Variants in EIF4G1 observed in about 807,000 individuals in gnomAD.
The protein encoded by EIF4G1 is EIF4-gamma.
In EIF4G1, 4 loss-of-function variants were observed where a neutral mutation model predicts 187.8. That is an observed-to-expected ratio of 0.02 (90% CI 0.01 to 0.05). The LOEUF (loss-of-function observed/expected upper bound fraction) is 0.05, where lower values mean the gene tolerates loss of function less well. Among genes scored for constraint, EIF4G1 ranks in the 10% least tolerant of loss-of-function variants. The probability of loss-of-function intolerance (pLI) is 1.00; values close to 1 mark genes in which losing one functional copy is unlikely to be tolerated. For missense variants in EIF4G1, 1,647 were observed against 2,081.1 expected (o/e 0.79, Z 4.06); for synonymous variants, 844 against 781.4 (o/e 1.08, Z -1.34).
At position 184,322,596 on chromosome 3, in the gene EIF4G1, C is replaced by T; in HGVS notation, c.1661C>T (p.Pro554Leu). Reference protein sequence around the residue: ...VENQPPAGSNPGPESEGSGVP... With the variant: ...VENQPPAGSNLGPESEGSGVP... ...AATCAGCCTCCTGCAGGCAGCAATC[C>T]AGGCCCAGAGTCTGAGGGCAGTGGT... Residue 554 changes from proline to leucine, a missense_variant, in exon 12 of 33, where the codon CCA becomes CTA. Physicochemically the swap from Pro to Leu is moderately conservative, Grantham distance 98. This residue lies in a region of EIF4G1 where 522 missense variants were observed against 485.2 expected (regional missense o/e 1.08). Coordinates refer to ENST00000346169, the MANE Select transcript of EIF4G1 (RefSeq NM_198241.3). The T allele has an allele frequency of 6.2e-7, 1 of 1,614,172 alleles. No individual in the cohort carries two copies. The highest frequency in any genetic ancestry group is 8.5e-7 in the Non-Finnish European group (1 of 1,180,040).
rs1723891572 is a variant in EIF4G1, at chr3:184,321,437, A to G, written c.853A>G (p.Ile285Val). ...GSEPNLAVLS[I>V]PGDTMTTIQM... ...TGAGCCTAATCTCGCAGTCCTCTCT[A>G]TTCCTGGGGACACTATGACAACTAT... The change falls in exon 10 of 33, where the codon ATT becomes GTT. Residue 285 changes from isoleucine (I) to valine (V), a missense_variant. Physicochemically the swap from Ile to Val is conservative, Grantham distance 29. Coordinates refer to ENST00000346169, the MANE Select transcript of EIF4G1 (RefSeq NM_198241.3). The G allele has an allele frequency of 1.9e-6, 3 of 1,614,090 alleles. No individual in the cohort carries two copies. The highest frequency in any genetic ancestry group is 2.2e-5 in the East Asian group (1 of 44,876).
intron 22 of EIF4G1, 77 bp downstream of exon 22, chr3:184,326,706 G>A (rs1054916606): frequency 6.4e-7 from 1 of 1,553,246 alleles, no homozygotes; most frequent in African/African-American, 1.4e-5. Context: ...TGTTAGGGAG[G>A]CCTTCAGTAC....
intron 22 of EIF4G1, 42 bp downstream of exon 22, chr3:184,326,671 G>A: frequency 6.2e-7 from 1 of 1,600,680 alleles, no homozygotes; most frequent in Non-Finnish European, 8.5e-7. Flanking sequence ...ACCCGTCAGA[G>A]CTCCCTTGAG....
chr3:184,328,066 G>T (rs1560226465), intron 26 of EIF4G1, 64 bp downstream of exon 26: 1 of 1,575,010 alleles, frequency 6.3e-7, no homozygotes, highest in Non-Finnish European at 8.6e-7. Flanking sequence ...TCCTTTTTGG[G>T]ACCCTTGGAA....
rs778056309 is a variant in EIF4G1 at position 184,327,917 on chromosome 3, A to G, written c.3868A>G (p.Ser1290Gly). The change falls in exon 26 of 33, where the codon AGT (serine) becomes GGT (glycine). Residue 1290 changes from serine to glycine, a missense_variant. Around this residue, in one of 11 missense-constraint regions of EIF4G1, gnomAD observed 543 missense variants for 638.0 expected, o/e 0.85. Coordinates refer to ENST00000346169, the MANE Select transcript of EIF4G1 (RefSeq NM_198241.3). ...TGGTGTCGAGTCTACGCTGGAGCGC[A>G]GTGCCATTGCTCGTGAGCATATGGG... ...RHGVESTLER[S>G]AIAREHMGQL... 4 of 1,613,330 alleles carry G rather than the reference A, an allele frequency of 2.5e-6. No individual in the cohort carries two copies. The highest frequency in any genetic ancestry group is 2.5e-6 in the Non-Finnish European group (3 of 1,180,030).
At chr3:184,324,463 T>A in intron 17 of EIF4G1, 116 bp downstream of exon 17, 1 of 1,509,860 alleles carries the variant, frequency 6.6e-7, no homozygotes, top group Non-Finnish European at 9.1e-7. Flanking sequence ...TTTCTCTGGC[T>A]CAGGACGTTT....
chr3:184,327,966 G>A lies in EIF4G1; in HGVS notation c.3917G>A (p.Cys1306Tyr). The change falls in exon 26 of 33, where the codon TGT becomes TAT. Residue 1306 changes from cysteine to tyrosine, a missense_variant. By Grantham distance (194) the Cys-to-Tyr change is radical. Transcript: ENST00000346169. ...HMGQLLHQLL[C>Y]AGHLSTAQYY... The stretch of plus-strand genomic sequence containing the variant: ...GGGCAGCTGCTGCACCAGCTGCTCT[G>A]TGCTGGGCATCTGTCTACTGCTCAG... The A allele has an allele frequency of 6.2e-7, 1 of 1,609,624 alleles. No individual in the cohort carries two copies. The highest frequency in any genetic ancestry group is 1.3e-5 in the African/African-American group (1 of 75,052).
intron 6 of EIF4G1, 79 bp from the exon 7 acceptor site, chr3:184,319,610 T>C (rs902859663): frequency 1.1e-4 from 107 of 940,792 alleles, no homozygotes; most frequent in Middle Eastern, 9.0e-4. Flanking sequence ...GGTTTTGGGG[T>C]GGGAGGTGTC....
At chr3:184,322,185 C>T (rs1724013149) in intron 10 of EIF4G1, 82 bp downstream of exon 10, 2 of 1,602,826 alleles carry the variant, frequency 1.2e-6, no homozygotes, top group Non-Finnish European at 1.7e-6. Flanking sequence ...CCATTTTTGA[C>T]ATGTTTCTGG....
chr3:184,331,426 C>G lies in EIF4G1; in HGVS notation c.4261-46C>G, dbSNP rs369056059. 7.4e-6 allele frequency: 12 copies of G among 1,614,058 alleles called. No individual in the cohort carries two copies. The African/African-American group carries it at 1.5e-4, about 20-fold the overall frequency. ...GGCTGGCCAGTCTTCTTTCTTGTCT[C>G]CTGTTGGCAACCTTACCTCTTAACT... On this transcript the variant is annotated intron_variant, in intron 29 of 32. Coordinates refer to ENST00000346169, the MANE Select transcript of EIF4G1 (RefSeq NM_198241.3).
rs752705762 is a variant in EIF4G1 at position 184,319,645 on chromosome 3, G to A, written c.425-44G>A. ...CAGGCAGGCATTAGTATATGGTTGG[G>A]CCCTGACGCTACCACCATTCTTCTC... On this transcript the variant is annotated intron_variant, in intron 6 of 32. Transcript: ENST00000346169. The A allele has an allele frequency of 5.1e-5, 65 of 1,268,280 alleles. 1 individual carries two copies. The South Asian group carries it at 6.5e-4, about 13-fold the overall frequency. The allele number at this position is 1,268,280 out of a possible 1,614,324, so 78.6% of individuals were successfully genotyped here.
At chr3:184,321,074 A>G (rs558799626) in intron 9 of EIF4G1, 81 bp downstream of exon 9, 17 of 1,552,064 alleles carry the variant, frequency 1.1e-5, no homozygotes, top group Non-Finnish European at 1.5e-5. Flanking sequence ...AGTGACTTGA[A>G]CTGGGTACCA....
At position 184,334,563 on chromosome 3, in the gene EIF4G1, T is replaced by C. The variant is rs1025302453; in HGVS notation, c.4619-164T>C. On this transcript the variant is annotated intron_variant, in intron 32 of 32. Coordinates refer to ENST00000346169, the MANE Select transcript of EIF4G1 (RefSeq NM_198241.3). This position sits in a 1 kb window ranked among gnomAD's most constrained non-coding sequence, Gnocchi z 5.8. ...ATTGCTGTGCAGCAGTCTCAGATCA[T>C]GAGATTAGCATCCTGTCAGAGGCCT... 6.6e-6 allele frequency among the ~76,000 whole-genome samples: 1 copy of C among 152,076 alleles called. No individual in the cohort carries two copies. Among genetic ancestry groups the C allele is most frequent in the African/African-American group, 2.4e-5 (1 of 41,420 alleles).
intron 4 of EIF4G1, chr3:184,316,655 TCC>T: frequency 6.6e-7 from 1 of 1,516,568 alleles, no homozygotes. Flanking sequence ...CTTCATTCCC[TCC>T]CCCCGCCATC....
chr3:184,318,433 T>TTTTGACCAGGTCAAAA (rs1491419479), intron 6 of EIF4G1, among the ~76,000 whole-genome samples: 9 of 151,938 alleles, frequency 5.9e-5, no homozygotes, highest in African/African-American at 1.9e-4. Flanking sequence ...CCTGGGAAAC[T>TTTTGACCAGGTCAAAA]TAGTGAGACC....
intron 25 of EIF4G1, 44 bp from the exon 26 acceptor site, chr3:184,327,786 C>T (rs199951071): frequency 2.2e-5 from 35 of 1,613,898 alleles, no homozygotes; most frequent in Admixed American, 3.3e-5. Context: ...GGGTCTGGGT[C>T]AGACAGTGAC....
intron 8 of EIF4G1, 34 bp downstream of exon 8, chr3:184,320,756 G>T: frequency 6.2e-7 from 1 of 1,614,068 alleles, no homozygotes; most frequent in Non-Finnish European, 8.5e-7. Context: ...ACCCTGGCTG[G>T]GATGTCTGTT....
chr3:184,327,789 A>G, intron 25 of EIF4G1, 41 bp from the exon 26 acceptor site: 2 of 1,614,108 alleles, frequency 1.2e-6, no homozygotes, highest in Non-Finnish European at 8.5e-7. Context: ...TCTGGGTCAG[A>G]CAGTGACTGG....
In EIF4G1 at chr3:184,324,915, A is replaced by G; in HGVS notation, c.2657A>G (p.Glu886Gly). 6.2e-7 allele frequency: 1 copy of G among 1,614,238 alleles called. No homozygotes were observed. Among genetic ancestry groups the G allele is most frequent in the African/African-American group, 1.3e-5 (1 of 75,076 alleles). ...ERGRLKEELE[E>G]ARDIARRRSL... ...GGACGCCTGAAGGAAGAGCTGGAAG[A>G]GGCTCGGGACATAGCCCGGCGGCGC... The change falls in exon 18 of 33, where the codon GAG (glutamate) becomes GGG (glycine). Residue 886 changes from glutamate (E) to glycine (G), a missense_variant. By Grantham distance (98) the Glu-to-Gly change is moderately conservative. Around this residue, in one of 11 missense-constraint regions of EIF4G1, gnomAD observed 40 missense variants for 42.2 expected, o/e 0.95. Transcript: ENST00000346169.
Sources: allele counts gnomAD v4.1 joint callset (sites outside exome capture counted in the v4.1 genomes callset), GRCh38; gene constraint gnomAD v4.1.1; regional missense constraint gnomAD v4.1.1; non-coding constraint Gnocchi (gnomAD v3.1); transcripts MANE v1.5; gene names NCBI Gene and HGNC (gene_info 2026-07-23, HGNC 2026-07-21).